The following PCDH9 variants were observed in gnomAD, a reference collection of about 807,000 sequenced individuals.
The protein encoded by PCDH9 is protocadherin-9.
PCDH9 carries 24 observed loss-of-function variants against 70.6 expected under a neutral mutation model. That is an observed-to-expected ratio of 0.34 (90% CI 0.25 to 0.48). The LOEUF (loss-of-function observed/expected upper bound fraction) is 0.48, where lower values mean the gene tolerates loss of function less well. Among genes scored for constraint, PCDH9 ranks in the 20% least tolerant of loss-of-function variants. The probability of loss-of-function intolerance (pLI) is 0.99; values close to 1 mark genes in which losing one functional copy is unlikely to be tolerated. For synonymous variants in PCDH9, 562 were observed against 558.5 expected (o/e 1.01, Z -0.09); for missense variants, 1,281 against 1,503.6 (o/e 0.85, Z 2.45).
At chr13:67,020,291 C>T (rs1195814635) in intron 2 of PCDH9, among the ~76,000 whole-genome samples, 10 of 152,164 alleles carry the variant, frequency 6.6e-5, no homozygotes, top group African/African-American at 2.2e-4. Context: ...CTTATGCCAA[C>T]ACATCCAACC....
intron 4 of PCDH9, among the ~76,000 whole-genome samples, chr13:66,422,221 C>A (rs1957580024): frequency 6.6e-6 from 1 of 152,156 alleles, no homozygotes. Context: ...GAGACTTTAA[C>A]ACCCCACTGT....
In PCDH9 at chr13:66,843,965, G is replaced by A. The variant is rs79896934; in HGVS notation, c.3138+59539C>T. On this transcript the variant is annotated intron_variant, in intron 3 of 4. Coordinates refer to ENST00000377865, the MANE Select transcript of PCDH9 (RefSeq NM_203487.3). The stretch of plus-strand genomic sequence containing the variant: ...TGTGGTGTCCAATGCATGATGGAAC[G>A]AGTAGACCTGACTCTAAAATGTAGC... Among the ~76,000 whole-genome samples the A allele has an allele frequency of 8.3e-3, 1,269 of 152,148 alleles. 17 individuals carry two copies. The highest frequency in any genetic ancestry group is 0.029 in the African/African-American group (1,206 of 41,528).
intron 4 of PCDH9, among the ~76,000 whole-genome samples, chr13:66,574,755 C>T (rs527399809): frequency 1.1e-3 from 160 of 152,302 alleles, no homozygotes; most frequent in Non-Finnish European, 1.9e-3. Context: ...CATTCTCGCC[C>T]TTCAACAAAC....
intron 2 of PCDH9, among the ~76,000 whole-genome samples, chr13:67,065,166 C>T (rs1274360052): frequency 6.6e-6 from 1 of 152,082 alleles, no homozygotes; most frequent in East Asian, 1.9e-4. Flanking sequence ...GTTAATCATG[C>T]ATTCCATCAT....
At chr13:66,763,083 A>C (rs2079654178) in intron 3 of PCDH9, among the ~76,000 whole-genome samples, 1 of 151,940 alleles carries the variant, frequency 6.6e-6, no homozygotes, top group Non-Finnish European at 1.5e-5. Context: ...CTCCAGCTTC[A>C]GCCTTCCAAG....
At chr13:67,221,789 C>T (rs953754601) in intron 2 of PCDH9, 1 of 152,102 alleles carries the variant, frequency 6.6e-6, no homozygotes, top group Admixed American at 6.6e-5. Context: ...TACTGTAAAG[C>T]CTCCAGCTAC....
Position 67,162,339 on chromosome 13 carries a change from C to T in PCDH9, c.3036+63066G>A, listed in dbSNP as rs1237616116. On this transcript the variant is annotated intron_variant, in intron 2 of 4. Transcript: ENST00000377865. Reference sequence around the variant, plus strand: ...TGTCAACTTTCAAAAAAATCTGACTCTCTGAAAGTGTATCTCTAGAATTTT... The same window carrying T: ...TGTCAACTTTCAAAAAAATCTGACTTTCTGAAAGTGTATCTCTAGAATTTT... Among the ~76,000 whole-genome samples, 8 of 152,300 alleles carry T rather than the reference C, an allele frequency of 5.3e-5. 1 individual carries two copies. The South Asian group carries it at 1.5e-3, about 28-fold the overall frequency.
At chr13:66,754,079 T>C (rs2079502599) in intron 3 of PCDH9, among the ~76,000 whole-genome samples, 1 of 152,196 alleles carries the variant, frequency 6.6e-6, no homozygotes, top group East Asian at 1.9e-4. Flanking sequence ...ATTAAATTAT[T>C]TCTTGACTTT....
At chr13:67,016,284 G>A (rs2084559018) in intron 2 of PCDH9, among the ~76,000 whole-genome samples, 1 of 152,130 alleles carries the variant, frequency 6.6e-6, no homozygotes, top group African/African-American at 2.4e-5. Flanking sequence ...GCCAGTGGGT[G>A]ATACAGTGGG....
At chr13:67,108,569 A>G (rs1427128493) in intron 2 of PCDH9, among the ~76,000 whole-genome samples, 1 of 152,226 alleles carries the variant, frequency 6.6e-6, no homozygotes, top group African/African-American at 2.4e-5. Flanking sequence ...ACTAATTTCC[A>G]TTTGTATCAT....
intron 2 of PCDH9, among the ~76,000 whole-genome samples, chr13:67,179,209 G>A (rs1321956972): frequency 6.6e-6 from 1 of 152,036 alleles, no homozygotes; most frequent in African/African-American, 2.4e-5. Flanking sequence ...TGGAAACTGA[G>A]GTTTAGAGAG....
At chr13:66,754,141 C>T (rs1594011401) in intron 3 of PCDH9, among the ~76,000 whole-genome samples, 1 of 152,132 alleles carries the variant, frequency 6.6e-6, no homozygotes, top group East Asian at 1.9e-4. Flanking sequence ...CCAAACACTG[C>T]ATGTTCTCAC....
intron 3 of PCDH9, among the ~76,000 whole-genome samples, chr13:66,701,630 G>T (rs753333817): frequency 6.6e-6 from 1 of 151,794 alleles, no homozygotes; most frequent in Non-Finnish European, 1.5e-5. Flanking sequence ...GGTTCACAAG[G>T]CTTCATCAAC....
At chr13:66,648,270 T>G (rs901860418) in intron 3 of PCDH9, among the ~76,000 whole-genome samples, 7 of 152,212 alleles carry the variant, frequency 4.6e-5, no homozygotes, top group African/African-American at 1.7e-4. Context: ...CTATGCTGGC[T>G]TCAGGTCTGA....
chr13:67,043,304 T>C lies in PCDH9; in HGVS notation c.3037-139699A>G, dbSNP rs772079485. Among the ~76,000 whole-genome samples the C allele has an allele frequency of 2.0e-5, 3 of 152,262 alleles. No individual in the cohort carries two copies. The East Asian group carries it at 5.8e-4, about 29-fold the overall frequency. ...GATTGGCATCTATTGTAACAATCCATGTAAAGAGTGATTGTGGCATGAAGC... is the reference window on the plus strand; with the variant it reads ...GATTGGCATCTATTGTAACAATCCACGTAAAGAGTGATTGTGGCATGAAGC... On this transcript the variant is annotated intron_variant, in intron 2 of 4. Coordinates refer to ENST00000377865, the MANE Select transcript of PCDH9 (RefSeq NM_203487.3).
chr13:67,163,473 T>C (rs556907059), intron 2 of PCDH9, among the ~76,000 whole-genome samples: 1 of 152,342 alleles, frequency 6.6e-6, no homozygotes, highest in South Asian at 2.1e-4. Flanking sequence ...GTCATTACAT[T>C]CTATTTAAAA....
At chr13:66,783,154 T>A (rs544326679) in intron 3 of PCDH9, among the ~76,000 whole-genome samples, 1 of 152,228 alleles carries the variant, frequency 6.6e-6, no homozygotes, top group Admixed American at 6.6e-5. Flanking sequence ...GTTTTAGTCC[T>A]TGTCCCTCTC....
At chr13:66,366,216 TCTTTTTCTCA>T (rs1358046585) in intron 4 of PCDH9, among the ~76,000 whole-genome samples, 1 of 152,052 alleles carries the variant, frequency 6.6e-6, no homozygotes, top group African/African-American at 2.4e-5. Context: ...TTTTTAAAAA[TCTTTTTCTCA>T]CCCCAAATGC....
chr13:66,746,883 T>A (rs1332023843), intron 3 of PCDH9, among the ~76,000 whole-genome samples: 76 of 152,228 alleles, frequency 5.0e-4, no homozygotes. Context: ...GTACTTTTAA[T>A]GTAACAATTG....
Sources: allele counts gnomAD v4.1 joint callset (sites outside exome capture counted in the v4.1 genomes callset), GRCh38; gene constraint gnomAD v4.1.1; transcripts MANE v1.5; gene names NCBI Gene and HGNC (gene_info 2026-07-23, HGNC 2026-07-21).